The following KIF1B variants were observed in gnomAD, a reference collection of about 807,000 sequenced individuals.
KIF1B encodes kinesin family member 1B.
In KIF1B, 76 loss-of-function variants were observed where a neutral mutation model predicts 241.9. That is an observed-to-expected ratio of 0.31 (90% CI 0.26 to 0.38). The LOEUF is 0.38. KIF1B is among the 10% of genes least tolerant of loss of function. KIF1B has a pLI of 1.00. For missense variants in KIF1B, 1,622 were observed against 2,271.4 expected, an observed-to-expected ratio of 0.71 and a Z score of 5.81; for synonymous variants, 750 against 796.7, an observed-to-expected ratio of 0.94 and a Z score of 0.99.
chr1:10,296,828 G>A (rs1172045192), intron 20 of KIF1B, 69 bp from the exon 21 acceptor site: 13 of 1,432,390 alleles, frequency 9.1e-6, no homozygotes, highest in Non-Finnish European at 1.2e-5. Context: ...AGGGAGGGGT[G>A]AGGTTGTTAA....
intron 9 of KIF1B, chr1:10,272,525 T>C: frequency 1.6e-6 from 1 of 617,220 alleles, no homozygotes; most frequent in Non-Finnish European, 2.9e-6. Flanking sequence ...AATATAGATC[T>C]GTAAAAACTA....
intron 22 of KIF1B, chr1:10,305,131 T>G (rs1162907190): frequency 9.4e-7 from 1 of 1,060,982 alleles, no homozygotes; most frequent in Non-Finnish European, 1.1e-6. Flanking sequence ...CAGCTTTGGA[T>G]TTCTCATCCA....
intron 14 of KIF1B, 93 bp downstream of exon 14, chr1:10,279,231 A>G (rs1649279728): frequency 1.0e-5 from 8 of 788,152 alleles, no homozygotes; most frequent in South Asian, 3.3e-5. Context: ...CATGCTGGCA[A>G]TCCTTACAGG....
At chr1:10,281,197 A>C (rs1649389555) in intron 14 of KIF1B, among the ~76,000 whole-genome samples, 1 of 152,062 alleles carries the variant, frequency 6.6e-6, no homozygotes, top group Non-Finnish European at 1.5e-5. Flanking sequence ...ATGTGTATTG[A>C]CTCATCTCCT....
chr1:10,277,317 A>G (rs1179752988), intron 12 of KIF1B, among the ~76,000 whole-genome samples: 2 of 151,768 alleles, frequency 1.3e-5, no homozygotes, highest in East Asian at 1.9e-4. Context: ...TACCAACAGA[A>G]TGTTCATAAA....
At chr1:10,348,792 T>G (rs75185801) in intron 37 of KIF1B, 59 bp downstream of exon 37, 2 of 1,305,536 alleles carry the variant, frequency 1.5e-6, no homozygotes, top group Non-Finnish European at 2.2e-6. Context: ...TTTTTTTTTT[T>G]TGAGATAGGG....
chr1:10,212,925 TATATATACAC>T (rs1557638462), intron 1 of KIF1B, among the ~76,000 whole-genome samples: 1 of 99,472 alleles, frequency 1.0e-5, no homozygotes, highest in Non-Finnish European at 1.9e-5. Context: ...TATATATATA[TATATATACAC>T]ACACACATTT....
At chr1:10,353,309 T>G (rs943772042) in intron 38 of KIF1B, among the ~76,000 whole-genome samples, 1 of 152,216 alleles carries the variant, frequency 6.6e-6, no homozygotes, top group African/African-American at 2.4e-5. Context: ...AAATAATAGA[T>G]TTTACTTTGT....
intron 28 of KIF1B, among the ~76,000 whole-genome samples, chr1:10,335,717 C>A (rs1652142245): frequency 1.3e-5 from 2 of 151,528 alleles, no homozygotes; most frequent in Non-Finnish European, 2.9e-5. Flanking sequence ...CTGATATAAG[C>A]TGATTGTGGT....
intron 27 of KIF1B, among the ~76,000 whole-genome samples, chr1:10,328,558 TCATTTGATGGCTG>T (rs1266943310): frequency 6.6e-6 from 1 of 152,242 alleles, no homozygotes; most frequent in Non-Finnish European, 1.5e-5. Flanking sequence ...AATGCTTGCT[TCATTTGATGGCTG>T]CCTGTGTTCT....
chr1:10,273,782 G>C (rs1648951034), intron 10 of KIF1B, among the ~76,000 whole-genome samples: 1 of 145,714 alleles, frequency 6.9e-6, no homozygotes, highest in Non-Finnish European at 1.5e-5. Context: ...GGCCAGCCAT[G>C]TAGTACCCTT....
chr1:10,253,079 T>G (rs910741649), intron 2 of KIF1B, among the ~76,000 whole-genome samples: 1 of 152,156 alleles, frequency 6.6e-6, no homozygotes, highest in African/African-American at 2.4e-5. Context: ...GGTGGCCACA[T>G]ACATGTAGGT....
rs146414281 is a variant in KIF1B at position 10,238,706 on chromosome 1, A to AAACAAC, written c.106+6299_106+6304dup. 2.3e-3 allele frequency among the ~76,000 whole-genome samples: 343 copies of AAACAAC among 150,688 alleles called. 2 individuals are homozygous for AAACAAC. The highest frequency in any genetic ancestry group is 7.2e-3 in the African/African-American group (297 of 40,978). ...GGTGAGACATTGAGACCCCATCCAA[A>AAACAAC]AACAACAACAACAACAACAACAACA... On this transcript the variant is annotated intron_variant, in intron 2 of 48. Transcript: ENST00000676179.
intron 32 of KIF1B, among the ~76,000 whole-genome samples, chr1:10,340,424 A>G (rs1652349137): frequency 6.6e-6 from 1 of 152,240 alleles, no homozygotes; most frequent in African/African-American, 2.4e-5. Context: ...AATAGCTAAT[A>G]TTCACTGAGA....
intron 14 of KIF1B, 58 bp downstream of exon 14, chr1:10,279,196 T>A: frequency 8.7e-7 from 1 of 1,155,484 alleles, no homozygotes; most frequent in Non-Finnish European, 1.3e-6. Context: ...CTGCCTCTGC[T>A]GGATCAGCCT....
At chr1:10,286,714 A>G (rs1181347755) in intron 15 of KIF1B, among the ~76,000 whole-genome samples, 1 of 152,250 alleles carries the variant, frequency 6.6e-6, no homozygotes, top group African/African-American at 2.4e-5. Context: ...ATAATTTATT[A>G]ACCAGTGCTA....
chr1:10,276,286 G>T (rs1276463716), intron 11 of KIF1B, 35 bp from the exon 12 acceptor site: 2 of 1,449,166 alleles, frequency 1.4e-6, no homozygotes, highest in South Asian at 1.1e-5. Context: ...CTTCTAAAAT[G>T]AGTGTGATTT....
In KIF1B at chr1:10,279,689, C is replaced by CT. The variant is rs34983973; in HGVS notation, c.1222+578dup. ...GGAATGATTAGATAAACGTTTTTTC[C>CT]TTTTTTTTTTTTTTTTTTTTTTTTT... On this transcript the variant is annotated intron_variant, in intron 14 of 48. Coordinates refer to ENST00000676179, the MANE Select transcript of KIF1B (RefSeq NM_001365951.3). Among the ~76,000 whole-genome samples the CT allele has an allele frequency of 5.3e-4, 36 of 67,652 alleles. 1 individual carries two copies. Among genetic ancestry groups the CT allele is most frequent in the South Asian group, 1.3e-3 (2 of 1,490 alleles). 44.4% of individuals were successfully genotyped at this position (67,652 alleles called of 152,430 possible).
In KIF1B at chr1:10,320,123, A is replaced by G. The variant is rs1308456824; in HGVS notation, c.2196A>G (p.Glu732=). 4 of 1,612,196 alleles carry G rather than the reference A, an allele frequency of 2.5e-6. No individual in the cohort carries two copies. In the East Asian group the frequency reaches 8.9e-5, roughly 36 times the overall value. The change falls in exon 23 of 49, where the codon GAA becomes GAG. Residue 732 remains glutamate (E), a synonymous_variant. Transcript: ENST00000676179. ...SLAAETTEEE[E]EEEEVPWTQH... is the part of the protein sequence containing the mutation. ...CTGCAGAAACAACTGAAGAGGAGGA[A>G]GAAGAGGAAGAAGGTGAAATCTAGA...
Sources: gnomAD v4.1 joint callset for allele counts (sites outside exome capture counted in the v4.1 genomes callset) on GRCh38, gnomAD v4.1.1 for gene constraint, MANE v1.5 for transcripts, NCBI Gene and HGNC (gene_info 2026-07-23, HGNC 2026-07-21) for gene names.